The following WDR70 variants were observed in gnomAD, a reference collection of about 807,000 sequenced individuals.
The protein encoded by WDR70 is WD repeat domain 70, also known as WD repeat-containing protein 70.
A neutral mutation model predicts 88.6 loss-of-function variants in WDR70; 53 were observed. The observed-to-expected ratio is 0.60, with a 90% CI of 0.48 to 0.75. The LOEUF (loss-of-function observed/expected upper bound fraction) is 0.75, where lower values mean the gene tolerates loss of function less well. Among genes scored for constraint, WDR70 ranks in the 30% least tolerant of loss-of-function variants. The pLI is 0.00. For missense variants in WDR70, 610 were observed against 823.2 expected (o/e 0.74, Z 3.17); for synonymous variants, 280 against 270.0 (o/e 1.04, Z -0.36).
At chr5:37,665,658 C>T (rs1259897604) in intron 10 of WDR70, among the ~76,000 whole-genome samples, 4 of 152,100 alleles carry the variant, frequency 2.6e-5, no homozygotes, top group Non-Finnish European at 5.9e-5. Flanking sequence ...TTCTCACATC[C>T]CTATGTAGAG....
chr5:37,635,713 C>T lies in WDR70; in HGVS notation c.1092+30475C>T, dbSNP rs115083659. Among the ~76,000 whole-genome samples the T allele has an allele frequency of 6.7e-3, 1,016 of 151,980 alleles. 14 individuals carry two copies. The highest frequency in any genetic ancestry group is 0.023 in the African/African-American group (965 of 41,426). ...ATAATTGACAAAGGAATTAAGTTACCCTGATTGAGCTCACTCTGGAATATA... is the reference window on the plus strand; with the variant it reads ...ATAATTGACAAAGGAATTAAGTTACTCTGATTGAGCTCACTCTGGAATATA... On this transcript the variant is annotated intron_variant, in intron 10 of 17. Transcript: ENST00000265107.
intron 15 of WDR70, 193 bp downstream of exon 15, chr5:37,723,127 G>C: frequency 1.6e-6 from 1 of 612,484 alleles, no homozygotes; most frequent in Non-Finnish European, 2.9e-6. Flanking sequence ...ACAGGGACAG[G>C]GTTATTTCAT....
intron 9 of WDR70, among the ~76,000 whole-genome samples, chr5:37,591,944 T>C (rs1323784633): frequency 6.6e-6 from 1 of 152,172 alleles, no homozygotes; most frequent in East Asian, 1.9e-4. Flanking sequence ...TCTCAATTGA[T>C]GTAAAATAAG....
intron 9 of WDR70, among the ~76,000 whole-genome samples, chr5:37,599,712 C>A (rs1159457439): frequency 6.6e-6 from 1 of 151,786 alleles, no homozygotes; most frequent in Non-Finnish European, 1.5e-5. Context: ...GCCAGCATGG[C>A]AAAACCCCAT....
chr5:37,746,685 C>T (rs929670527), intron 17 of WDR70, among the ~76,000 whole-genome samples: 13 of 152,152 alleles, frequency 8.5e-5, no homozygotes, highest in Admixed American at 2.6e-4. Context: ...TGGACAAATT[C>T]CTGGACACAT....
At chr5:37,728,368 A>C (rs58398416) in intron 17 of WDR70, among the ~76,000 whole-genome samples, 11,278 of 151,070 alleles carry the variant, frequency 0.075, 494 homozygotes, top group South Asian at 0.12. Context: ...AAAAAACAAA[A>C]AAAAAAAACA....
chr5:37,683,046 A>G (rs1445067801), intron 10 of WDR70, among the ~76,000 whole-genome samples: 1 of 152,160 alleles, frequency 6.6e-6, no homozygotes, highest in Admixed American at 6.5e-5. Flanking sequence ...TGTATTTAGG[A>G]TAGCTAGGTC....
chr5:37,752,703 T>A lies in WDR70; in HGVS notation c.*130T>A. 1.4e-6 allele frequency: 1 copy of A among 695,586 alleles called. No homozygotes were observed. Among genetic ancestry groups the A allele is most frequent in the Non-Finnish European group, 2.4e-6 (1 of 421,496 alleles). The allele number at this position is 695,586 out of a possible 1,614,324, so 43.1% of individuals were successfully genotyped here. ...TTTGTCCTTTGCATTATTGAACTGGTCAAAAGTTTGGTGGCTAGGCTTCAC... is the reference window on the plus strand; with the variant it reads ...TTTGTCCTTTGCATTATTGAACTGGACAAAAGTTTGGTGGCTAGGCTTCAC... On this transcript the variant is annotated 3_prime_UTR_variant, in exon 18 of 18. Coordinates refer to ENST00000265107, the MANE Select transcript of WDR70 (RefSeq NM_018034.4).
chr5:37,657,876 A>G (rs1460835187), intron 10 of WDR70, among the ~76,000 whole-genome samples: 2 of 152,050 alleles, frequency 1.3e-5, no homozygotes, highest in African/African-American at 4.8e-5. Flanking sequence ...CATACTTTTG[A>G]CTCCTACATA....
At chr5:37,544,121 C>T (rs1340077659) in intron 9 of WDR70, among the ~76,000 whole-genome samples, 16 of 152,080 alleles carry the variant, frequency 1.1e-4, no homozygotes, top group Admixed American at 1.0e-3. Flanking sequence ...TAAGTTTCTG[C>T]CTATTAGTGC....
At chr5:37,442,630 A>G (rs1750692310) in intron 6 of WDR70, among the ~76,000 whole-genome samples, 1 of 152,212 alleles carries the variant, frequency 6.6e-6, no homozygotes. Flanking sequence ...GCCGAAAGCA[A>G]ATATTTTATG....
chr5:37,500,716 C>CTTTTTTTTTTTTT lies in WDR70; in HGVS notation c.841-15784_841-15772dup, dbSNP rs550821207. Among the ~76,000 whole-genome samples the CTTTTTTTTTTTTT allele has an allele frequency of 7.9e-5, 5 of 63,292 alleles. 1 individual carries two copies. Among genetic ancestry groups the CTTTTTTTTTTTTT allele is most frequent in the Admixed American group, 2.2e-4 (1 of 4,548 alleles). The allele number at this position is 63,292 out of a possible 152,430, so 41.5% of individuals were successfully genotyped here. On this transcript the variant is annotated intron_variant, in intron 8 of 17. Transcript: ENST00000265107. The stretch of plus-strand genomic sequence containing the variant: ...GAGCATTTTATCATATATTTGTTGG[C>CTTTTTTTTTTTTT]TTTTTTTTTTTTTTTTTTTTTTTTT...
intron 5 of WDR70, among the ~76,000 whole-genome samples, chr5:37,405,090 A>G (rs1255262040): frequency 6.6e-6 from 1 of 152,150 alleles, no homozygotes; most frequent in Non-Finnish European, 1.5e-5. Flanking sequence ...CAGCGTATGT[A>G]AAATATTAGA....
chr5:37,518,651 T>G (rs901616021), intron 9 of WDR70, among the ~76,000 whole-genome samples: 3 of 152,120 alleles, frequency 2.0e-5, no homozygotes, highest in Admixed American at 2.0e-4. Flanking sequence ...TTGCAAACAG[T>G]GCTGCAACCA....
chr5:37,389,195 C>T (rs1422571163), intron 3 of WDR70, among the ~76,000 whole-genome samples: 15 of 150,270 alleles, frequency 1.0e-4, no homozygotes, highest in Non-Finnish European at 2.1e-4. Flanking sequence ...CGGGTTCAAG[C>T]GATTCTCCTG....
At chr5:37,499,127 T>G (rs1740318347) in intron 8 of WDR70, among the ~76,000 whole-genome samples, 1 of 152,074 alleles carries the variant, frequency 6.6e-6, no homozygotes, top group Non-Finnish European at 1.5e-5. Flanking sequence ...TCTTTTTTTT[T>G]TTTTGAGATG....
chr5:37,537,828 C>T (rs1741708171), intron 9 of WDR70, among the ~76,000 whole-genome samples: 1 of 152,116 alleles, frequency 6.6e-6, no homozygotes, highest in East Asian at 1.9e-4. Context: ...TTGTTACTTT[C>T]CTTCATACTG....
At chr5:37,606,671 C>T (rs1405113674) in intron 10 of WDR70, among the ~76,000 whole-genome samples, 3 of 152,106 alleles carry the variant, frequency 2.0e-5, no homozygotes, top group Non-Finnish European at 4.4e-5. Flanking sequence ...TAAAGCCATT[C>T]AGCTAATTAC....
Position 37,640,077 on chromosome 5 carries a change from A to G in WDR70, c.1092+34839A>G, listed in dbSNP as rs548922465. Among the ~76,000 whole-genome samples the G allele has an allele frequency of 4.3e-4, 65 of 152,210 alleles. 4 individuals carry two copies. In the South Asian group the frequency reaches 0.013, roughly 31 times the overall value. On this transcript the variant is annotated intron_variant, in intron 10 of 17. Transcript: ENST00000265107. ...GATTTCAAAGAGATTGCTTTCAACC[A>G]CTGTATCATAGTTTTCTTTGAGCCC...
Sources: gnomAD v4.1 joint callset for allele counts (sites outside exome capture counted in the v4.1 genomes callset) on GRCh38, gnomAD v4.1.1 for gene constraint, MANE v1.5 for transcripts, NCBI Gene and HGNC (gene_info 2026-07-23, HGNC 2026-07-21) for gene names.